Variants in ACAP2 observed in about 807,000 individuals in gnomAD.
The protein encoded by ACAP2 is ArfGAP with coiled-coil, ankyrin repeat and PH domains 2.
A neutral mutation model predicts 115.8 loss-of-function variants in ACAP2; 39 were observed. The ratio of observed to expected loss-of-function variants is 0.34; its 90% CI spans 0.26 to 0.44. The LOEUF is 0.44. ACAP2 is among the 20% of genes least tolerant of loss of function. The pLI, the probability that ACAP2 is intolerant of heterozygous loss-of-function variation, is 1.00. For missense variants in ACAP2, 662 were observed against 927.6 expected (o/e 0.71, Z 3.72); for synonymous variants, 289 against 315.8 (o/e 0.92, Z 0.90).
At chr3:195,340,557 G>A (rs1208923087) in intron 6 of ACAP2, among the ~76,000 whole-genome samples, 2 of 152,154 alleles carry the variant, frequency 1.3e-5, no homozygotes, top group Non-Finnish European at 2.9e-5. Context: ...AGACAAAGGA[G>A]TGAAGCCCAA....
At chr3:195,321,311 C>T (rs141314466) in intron 9 of ACAP2, among the ~76,000 whole-genome samples, 3,803 of 149,602 alleles carry the variant, frequency 0.025, 137 homozygotes, top group African/African-American at 0.085. Flanking sequence ...CAACCTCTGC[C>T]TCCCGGGTTC....
intron 2 of ACAP2, among the ~76,000 whole-genome samples, chr3:195,384,243 T>C (rs1734139183): frequency 6.6e-6 from 1 of 152,164 alleles, no homozygotes; most frequent in African/African-American, 2.4e-5. Context: ...GCTAGATAAA[T>C]AAATTATGAT....
rs900287517 is a variant in ACAP2 at position 195,377,214 on chromosome 3, A to T, written c.285+3795T>A. 6.5e-5 allele frequency among the ~76,000 whole-genome samples: 9 copies of T among 137,960 alleles called. No individual in the cohort carries two copies. In the East Asian group the frequency reaches 2.1e-3, roughly 32 times the overall value. The allele number at this position is 137,960 out of a possible 152,430, so 90.5% of individuals were successfully genotyped here. On this transcript the variant is annotated intron_variant, in intron 4 of 22. Transcript: ENST00000326793. ...GGCTGGAGTGCAGTAGTGCAATCACAGCTCACTGTGGCCCCAACTTCCCAG... is the reference window on the plus strand; with the variant it reads ...GGCTGGAGTGCAGTAGTGCAATCACTGCTCACTGTGGCCCCAACTTCCCAG...
chr3:195,319,946 G>T (rs748190328), intron 10 of ACAP2, among the ~76,000 whole-genome samples: 13 of 152,174 alleles, frequency 8.5e-5, no homozygotes, highest in Non-Finnish European at 1.6e-4. Context: ...ATCCCCACAT[G>T]TTGAAAAAGG....
intron 17 of ACAP2, 190 bp downstream of exon 17, chr3:195,295,518 G>C: frequency 1.5e-6 from 1 of 673,140 alleles, no homozygotes. Flanking sequence ...TACCTAGAAA[G>C]GTGAAATATT....
intron 4 of ACAP2, among the ~76,000 whole-genome samples, chr3:195,353,768 TA>T (rs111726124): frequency 0.11 from 10,669 of 94,818 alleles, 741 homozygotes; most frequent in East Asian, 0.45. Context: ...ATAAAGTTGT[TA>T]AAAAAACATC....
chr3:195,311,926 T>C (rs1484186996), intron 10 of ACAP2, among the ~76,000 whole-genome samples: 1 of 151,802 alleles, frequency 6.6e-6, no homozygotes, highest in Admixed American at 6.6e-5. Context: ...CTCAATATAA[T>C]ACACATTTTA....
At chr3:195,414,809 A>G (rs1188868561) in intron 1 of ACAP2, among the ~76,000 whole-genome samples, 1 of 152,214 alleles carries the variant, frequency 6.6e-6, no homozygotes, top group East Asian at 1.9e-4. Flanking sequence ...TCTGAAACCC[A>G]AAACACCTGT....
chr3:195,342,903 G>A (rs535855826), intron 5 of ACAP2, among the ~76,000 whole-genome samples: 1 of 151,930 alleles, frequency 6.6e-6, no homozygotes, highest in Admixed American at 6.6e-5. Context: ...GGCTGAGGCA[G>A]GACAATCACT....
chr3:195,395,094 A>C (rs1251503715), intron 1 of ACAP2, among the ~76,000 whole-genome samples: 1 of 151,796 alleles, frequency 6.6e-6, no homozygotes, highest in African/African-American at 2.4e-5. Context: ...TAAGTGAAAT[A>C]AAAGAATTTA....
chr3:195,427,831 T>C (rs190371775), intron 1 of ACAP2, among the ~76,000 whole-genome samples: 1 of 152,056 alleles, frequency 6.6e-6, no homozygotes, highest in African/African-American at 2.4e-5. Flanking sequence ...CACTTGAGCC[T>C]GGGAGGTGGA....
At chr3:195,286,890 C>G (rs1325425625) in intron 21 of ACAP2, among the ~76,000 whole-genome samples, 1 of 152,232 alleles carries the variant, frequency 6.6e-6, no homozygotes, top group Non-Finnish European at 1.5e-5. Flanking sequence ...CTCTCTATAT[C>G]ATTCCTATCT....
At chr3:195,389,430 T>C (rs1734510160) in intron 2 of ACAP2, among the ~76,000 whole-genome samples, 1 of 152,234 alleles carries the variant, frequency 6.6e-6, no homozygotes, top group Non-Finnish European at 1.5e-5. Flanking sequence ...CATGTGGTTC[T>C]ACCTTATTAC....
intron 4 of ACAP2, among the ~76,000 whole-genome samples, chr3:195,358,756 G>C (rs1265695837): frequency 6.6e-6 from 1 of 152,044 alleles, no homozygotes; most frequent in East Asian, 1.9e-4. Flanking sequence ...GAGTAAGGTA[G>C]AAAGAGAGAA....
rs542521638 is a variant in ACAP2 at position 195,378,353 on chromosome 3, G to T, written c.285+2656C>A. Among the ~76,000 whole-genome samples, 58 of 152,108 alleles carry T rather than the reference G, an allele frequency of 3.8e-4. No individual in the cohort carries two copies. The Middle Eastern group carries it at 0.017, about 45-fold the overall frequency. ...TAAAAATACAAAAAATTAGCTGGGC[G>T]TGGTGGCACGTCCCTATAGTCCCAG... On this transcript the variant is annotated intron_variant, in intron 4 of 22. Transcript: ENST00000326793.
At chr3:195,355,775 A>G (rs1338799558) in intron 4 of ACAP2, among the ~76,000 whole-genome samples, 1 of 152,226 alleles carries the variant, frequency 6.6e-6, no homozygotes. Context: ...CTGCATAACC[A>G]TAGAGAGCAT....
At chr3:195,302,439 A>AGGAC (rs199770842) in intron 13 of ACAP2, among the ~76,000 whole-genome samples, 3,279 of 152,000 alleles carry the variant, frequency 0.022, 115 homozygotes, top group East Asian at 0.1. Context: ...ACAAAAGATG[A>AGGAC]AGACAGAAAG....
chr3:195,372,382 C>T (rs115554732), intron 4 of ACAP2, among the ~76,000 whole-genome samples: 3,419 of 152,276 alleles, frequency 0.022, 118 homozygotes, highest in African/African-American at 0.076. Flanking sequence ...TGAGTAACTG[C>T]GCTCAAGCTA....
chr3:195,405,043 G>A (rs550643106), intron 1 of ACAP2, among the ~76,000 whole-genome samples: 125 of 151,692 alleles, frequency 8.2e-4, no homozygotes, highest in African/African-American at 1.1e-3. Context: ...CAAGTGATCC[G>A]CCCGCCCCAG....
Sources: gnomAD v4.1 joint callset for allele counts (sites outside exome capture counted in the v4.1 genomes callset) on GRCh38, gnomAD v4.1.1 for gene constraint, MANE v1.5 for transcripts, NCBI Gene and HGNC (gene_info 2026-07-23, HGNC 2026-07-21) for gene names.